SLC22A16: variants seen among roughly 807,000 people sequenced by gnomAD.
The protein encoded by SLC22A16 is WUGSC:RG331P03.1.
In SLC22A16, 53 loss-of-function variants were observed where a neutral mutation model predicts 52.9. The observed-to-expected ratio is 1.00, with a 90% CI of 0.80 to 1.26. The LOEUF (loss-of-function observed/expected upper bound fraction) is 1.26. Ranked by LOEUF, SLC22A16 falls within the 50% of genes most tolerant of loss-of-function variation. SLC22A16 has a pLI of 0.00. For synonymous variants in SLC22A16, 291 were observed against 268.8 expected (o/e 1.08, Z -0.81); for missense variants, 726 against 704.0 (o/e 1.03, Z -0.35).
Position 110,442,641 on chromosome 6 carries a change from GTATCC to G in SLC22A16, c.781_785del (p.Gly261LeufsTer40), listed in dbSNP as rs1241539770. The G allele has an allele frequency of 6.2e-7, 1 of 1,614,068 alleles. No individual in the cohort carries two copies. The highest frequency in any genetic ancestry group is 8.5e-7 in the Non-Finnish European group (1 of 1,180,030). On this transcript the variant is annotated frameshift_variant, in exon 4 of 8. Transcript: ENST00000368919. LOFTEE classifies it high-confidence loss of function. Reference sequence around the variant, plus strand: ...GGTAAAGCCACCAGGTCCTGACCAAGTATCCTGTCAAAGCCACCAGCAGGGTTCCA... The same window carrying G: ...GGTAAAGCCACCAGGTCCTGACCAAGTGTCAAAGCCACCAGCAGGGTTCCA...
At chr6:110,471,901 A>T (rs549749417) in intron 1 of SLC22A16, among the ~76,000 whole-genome samples, 48 of 152,356 alleles carry the variant, frequency 3.2e-4, no homozygotes, top group African/African-American at 1.2e-3. Context: ...GCTGAGGCAC[A>T]GCTGGAACAG....
At chr6:110,472,061 C>T (rs1776277815) in intron 1 of SLC22A16, among the ~76,000 whole-genome samples, 1 of 152,164 alleles carries the variant, frequency 6.6e-6, no homozygotes, top group South Asian at 2.1e-4. Context: ...ACCTGGAATT[C>T]CCACAAGGAA....
intron 1 of SLC22A16, among the ~76,000 whole-genome samples, chr6:110,461,137 A>C (rs1358901086): frequency 6.6e-6 from 1 of 152,176 alleles, no homozygotes; most frequent in African/African-American, 2.4e-5. Flanking sequence ...CAGAAAAGGC[A>C]GGGCCCATCT....
At chr6:110,434,727 C>G (rs1774651738) in intron 6 of SLC22A16, among the ~76,000 whole-genome samples, 1 of 152,166 alleles carries the variant, frequency 6.6e-6, no homozygotes, top group Non-Finnish European at 1.5e-5. Context: ...TGCCTGTAAT[C>G]CCAACACTTT....
chr6:110,451,885 A>G (rs1317583436), intron 2 of SLC22A16, among the ~76,000 whole-genome samples: 1 of 152,178 alleles, frequency 6.6e-6, no homozygotes. Context: ...CTAAAATCGT[A>G]TAGTTTTGCT....
At chr6:110,437,795 A>AG (rs3215589) in intron 5 of SLC22A16, among the ~76,000 whole-genome samples, 54,550 of 151,956 alleles carry the variant, frequency 0.36, 10,838 homozygotes, top group African/African-American at 0.54. Flanking sequence ...AGGTATTTTG[A>AG]GGGACGCAGT....
At chr6:110,433,803 G>A (rs908467704) in intron 6 of SLC22A16, among the ~76,000 whole-genome samples, 1 of 152,158 alleles carries the variant, frequency 6.6e-6, no homozygotes, top group Admixed American at 6.5e-5. Flanking sequence ...CCACTTGGAG[G>A]ATTTAAGGGA....
At chr6:110,469,811 T>C (rs1776200686) in intron 1 of SLC22A16, among the ~76,000 whole-genome samples, 1 of 152,238 alleles carries the variant, frequency 6.6e-6, no homozygotes, top group South Asian at 2.1e-4. Context: ...CTAATGGGTG[T>C]TATTGTCTGC....
intron 6 of SLC22A16, among the ~76,000 whole-genome samples, chr6:110,434,708 G>A (rs1013124256): frequency 5.3e-5 from 8 of 152,142 alleles, no homozygotes; most frequent in African/African-American, 1.4e-4. Flanking sequence ...GGCTAGGCGT[G>A]GTGGCTCATG....
intron 2 of SLC22A16, among the ~76,000 whole-genome samples, chr6:110,447,236 G>A (rs902697941): frequency 1.3e-5 from 2 of 152,012 alleles, no homozygotes; most frequent in Non-Finnish European, 2.9e-5. Context: ...AGTCATCCCC[G>A]CAGGACCCTT....
rs779808305 is a variant in SLC22A16, at chr6:110,456,922, T to C, written c.149A>G (p.His50Arg). ...ASVFMGVTPH[H>R]VCRPPGNVSQ... The stretch of plus-strand genomic sequence containing the variant: ...CACATTGCCTGGGGGCCTGCAGACA[T>C]GATGAGGGGTGACTCCCATGAACAC... Residue 50 changes from histidine (H) to arginine (R), a missense_variant, in exon 2 of 8, where the codon CAT becomes CGT. Transcript: ENST00000368919. 6.2e-7 allele frequency: 1 copy of C among 1,613,196 alleles called. No homozygotes were observed.
chr6:110,433,932 C>CA (rs967725200), intron 6 of SLC22A16, among the ~76,000 whole-genome samples: 16 of 151,402 alleles, frequency 1.1e-4, no homozygotes, highest in African/African-American at 3.2e-4. Context: ...GATCATTTTG[C>CA]AAAAAAAAGA....
At chr6:110,467,780 A>G (rs1435254327) in intron 1 of SLC22A16, among the ~76,000 whole-genome samples, 3 of 152,260 alleles carry the variant, frequency 2.0e-5, no homozygotes, top group African/African-American at 7.2e-5. Flanking sequence ...TTAACTTATT[A>G]TGTATATTGA....
intron 4 of SLC22A16, among the ~76,000 whole-genome samples, chr6:110,441,944 G>T (rs150779460): frequency 1.3e-5 from 2 of 152,148 alleles, no homozygotes; most frequent in Non-Finnish European, 2.9e-5. Context: ...GGAATAAATG[G>T]CTGATGTCGT....
At chr6:110,473,666 A>G (rs776152960) in intron 1 of SLC22A16, among the ~76,000 whole-genome samples, 2 of 150,090 alleles carry the variant, frequency 1.3e-5, no homozygotes, top group Non-Finnish European at 3.0e-5. Flanking sequence ...CTGGGACCAC[A>G]GGCCCCCGCC....
intron 7 of SLC22A16, among the ~76,000 whole-genome samples, chr6:110,425,715 T>A (rs1321675992): frequency 1.3e-5 from 2 of 152,276 alleles, no homozygotes; most frequent in African/African-American, 2.4e-5. Flanking sequence ...TTTTGACACA[T>A]AAAAGGCAGC....
intron 1 of SLC22A16, among the ~76,000 whole-genome samples, chr6:110,466,125 A>G (rs1268357879): frequency 6.6e-6 from 1 of 152,202 alleles, no homozygotes; most frequent in African/African-American, 2.4e-5. Flanking sequence ...CTCACCATAT[A>G]CAAAAATTAA....
intron 1 of SLC22A16, among the ~76,000 whole-genome samples, chr6:110,458,456 G>T (rs1775750715): frequency 6.6e-6 from 1 of 152,170 alleles, no homozygotes; most frequent in South Asian, 2.1e-4. Flanking sequence ...CTGTAAGGCT[G>T]GCCCCTACAG....
At position 110,435,842 on chromosome 6, in the gene SLC22A16, T is replaced by A. The variant is rs764012609; in HGVS notation, c.1421+10A>T. On this transcript the variant is annotated intron_variant, in intron 6 of 7. Transcript: ENST00000368919. Reference sequence around the variant, plus strand: ...AATAGGAAAACAACCAGAAAACAATTCATCCTTACCTTACAATGGTTGGAT... The same window carrying A: ...AATAGGAAAACAACCAGAAAACAATACATCCTTACCTTACAATGGTTGGAT... The A allele has an allele frequency of 4.5e-6, 7 of 1,559,892 alleles. No individual in the cohort carries two copies. In the East Asian group the frequency reaches 1.6e-4, roughly 35 times the overall value.
Sources: allele counts gnomAD v4.1 joint callset (sites outside exome capture counted in the v4.1 genomes callset), GRCh38; gene constraint gnomAD v4.1.1; transcripts MANE v1.5; gene names NCBI Gene and HGNC (gene_info 2026-07-23, HGNC 2026-07-21).